The following UGT2A2 variants were observed in gnomAD, a reference collection of about 807,000 sequenced individuals.
UGT2A2 encodes the protein UDP glucuronosyltransferase family 2 member A2.
UGT2A2 carries 60 observed loss-of-function variants against 50.7 expected under a neutral mutation model. That is an observed-to-expected ratio of 1.18 (90% CI 0.96 to 1.47). The LOEUF is 1.47. Ranked by LOEUF, UGT2A2 falls within the 40% of genes most tolerant of loss-of-function variation. The probability of loss-of-function intolerance (pLI) is 0.00; values close to 1 mark genes in which losing one functional copy is unlikely to be tolerated. For synonymous variants in UGT2A2, 242 were observed against 214.6 expected (o/e 1.13, Z -1.11); for missense variants, 762 against 634.0 (o/e 1.20, Z -2.17).
chr4:69,595,397 G>A lies in UGT2A2; in HGVS notation c.1024-148C>T, dbSNP rs1298385393. ...TTACAAACGTTGAGATACGTAGTAG[G>A]ACTGTTTATATGTACCTTTTTGTAA... On this transcript the variant is annotated intron_variant, in intron 3 of 5. Transcript: ENST00000604629. The A allele has an allele frequency of 4.8e-6, 4 of 836,906 alleles. No homozygotes were observed. The Admixed American group carries it at 8.0e-5, about 17-fold the overall frequency. 51.8% of individuals were successfully genotyped at this position (836,906 alleles called of 1,614,324 possible). A position where few individuals can be genotyped will look rare whatever the true frequency, so the allele number is the denominator to read the frequency against.
Position 69,594,704 on chromosome 4 carries a change from G to A in UGT2A2, c.1112-8C>T, listed in dbSNP as rs374927727. The A allele has an allele frequency of 2.3e-5, 37 of 1,610,934 alleles. No homozygotes were observed. The African/African-American group carries it at 4.4e-4, about 19-fold the overall frequency. On this transcript the variant is annotated splice_polypyrimidine_tract_variant and splice_region_variant and intron_variant, in intron 4 of 5. Coordinates refer to ENST00000604629, the MANE Select transcript of UGT2A2 (RefSeq NM_001105677.2). The stretch of plus-strand genomic sequence containing the variant: ...CTTTGGTTTTGGGATGTCCTAATTT[G>A]AGGATGGAGTGAGAAGTGGGTGTGT...
chr4:69,602,572 A>G (rs1719359642), intron 1 of UGT2A2, among the ~76,000 whole-genome samples: 1 of 137,618 alleles, frequency 7.3e-6, no homozygotes, highest in African/African-American at 2.9e-5. Context: ...GAGGAAGAGA[A>G]GTTTTAATTT....
intron 1 of UGT2A2, among the ~76,000 whole-genome samples, chr4:69,627,582 GA>G (rs910514836): frequency 2.9e-4 from 41 of 142,634 alleles, no homozygotes; most frequent in African/African-American, 9.4e-4. Context: ...AAGAGAGAAA[GA>G]AAAAAAGAAG....
intron 1 of UGT2A2, among the ~76,000 whole-genome samples, chr4:69,630,860 A>T (rs1405618958): frequency 6.6e-6 from 1 of 152,032 alleles, no homozygotes; most frequent in Non-Finnish European, 1.5e-5. Flanking sequence ...AATATACTAT[A>T]TATCAATTAT....
intron 3 of UGT2A2, 112 bp from the exon 4 acceptor site, chr4:69,595,361 T>C: frequency 1.6e-6 from 2 of 1,252,668 alleles, no homozygotes; most frequent in Non-Finnish European, 2.2e-6. Flanking sequence ...GGGAATTACA[T>C]AAGCAGTAGT....
chr4:69,613,909 T>A (rs1391653509), intron 1 of UGT2A2, among the ~76,000 whole-genome samples: 1 of 152,018 alleles, frequency 6.6e-6, no homozygotes, highest in African/African-American at 2.4e-5. Context: ...TCTTCTAAGA[T>A]CTGGAAGAAG....
At chr4:69,629,801 G>C (rs60666822) in intron 1 of UGT2A2, among the ~76,000 whole-genome samples, 46,085 of 151,772 alleles carry the variant, frequency 0.3, 7,466 homozygotes, top group African/African-American at 0.4. Flanking sequence ...TTGTTATAAT[G>C]AACCATAACC....
At chr4:69,600,437 T>C (rs898814157) in intron 1 of UGT2A2, among the ~76,000 whole-genome samples, 4 of 152,114 alleles carry the variant, frequency 2.6e-5, no homozygotes, top group African/African-American at 9.7e-5. Flanking sequence ...AGTACAATTT[T>C]GAGTGGGGAC....
intron 1 of UGT2A2, among the ~76,000 whole-genome samples, chr4:69,601,211 A>AC (rs1475705941): frequency 6.6e-6 from 1 of 152,048 alleles, no homozygotes; most frequent in Admixed American, 6.6e-5. Flanking sequence ...CTGGAACATT[A>AC]CCCCAACAGC....
chr4:69,620,810 CAG>C (rs1280887148), intron 1 of UGT2A2, among the ~76,000 whole-genome samples: 1 of 151,720 alleles, frequency 6.6e-6, no homozygotes, highest in Non-Finnish European at 1.5e-5. Context: ...ACAAAGGAAA[CAG>C]AATAGAGAGC....
At chr4:69,602,186 A>T (rs577851313) in intron 1 of UGT2A2, among the ~76,000 whole-genome samples, 1 of 128,674 alleles carries the variant, frequency 7.8e-6, no homozygotes, top group East Asian at 2.1e-4. Flanking sequence ...GAAGGTAAAA[A>T]GAGGAAAATC....
At position 69,616,963 on chromosome 4, in the gene UGT2A2, T is replaced by C. The variant is rs1720443740; in HGVS notation, c.743-17569A>G. ...TATCTGCATAAGTTTCTGCCCATGC[T>C]TTTTCCACTACTGTTTTGTAGTTAA... On this transcript the variant is annotated intron_variant, in intron 1 of 5. Coordinates refer to ENST00000604629, the MANE Select transcript of UGT2A2 (RefSeq NM_001105677.2). 2.6e-5 allele frequency among the ~76,000 whole-genome samples: 4 copies of C among 151,702 alleles called. No individual in the cohort carries two copies. The South Asian group carries it at 8.3e-4, about 31-fold the overall frequency.
chr4:69,600,077 G>GA (rs1046625037), intron 1 of UGT2A2, among the ~76,000 whole-genome samples: 5 of 152,076 alleles, frequency 3.3e-5, no homozygotes, highest in Non-Finnish European at 5.9e-5. Context: ...TAAACCCTTT[G>GA]AAAAAAGTGG....
At chr4:69,629,656 A>C (rs73824181) in intron 1 of UGT2A2, among the ~76,000 whole-genome samples, 1 of 151,942 alleles carries the variant, frequency 6.6e-6, no homozygotes, top group Non-Finnish European at 1.5e-5. Flanking sequence ...ACCACATATC[A>C]TTTCTAGGAA....
At position 69,589,485 on chromosome 4, in the gene UGT2A2, C is replaced by T; in HGVS notation, c.1498G>A (p.Val500Ile). Residue 500 changes from valine (V) to isoleucine (I), a missense_variant, in exon 6 of 6, where the codon GTA becomes ATA. By Grantham distance (29) the Val-to-Ile change is conservative. Transcript: ENST00000604629. ...LTWFQYHSLD[V>I]IGFLLVCVTT... The stretch of plus-strand genomic sequence containing the variant: ...ACACAGACCAGCAAGAACCCAATTA[C>T]ATCCAAAGAGTGGTACTGGAACCAG... The T allele has an allele frequency of 6.2e-7, 1 of 1,614,092 alleles. No individual in the cohort carries two copies. Among genetic ancestry groups the T allele is most frequent in the Non-Finnish European group, 8.5e-7 (1 of 1,180,014 alleles).
At chr4:69,629,126 A>C (rs1721249307) in intron 1 of UGT2A2, among the ~76,000 whole-genome samples, 1 of 151,792 alleles carries the variant, frequency 6.6e-6, no homozygotes, top group Non-Finnish European at 1.5e-5. Flanking sequence ...AACCACCTTC[A>C]CTTGAATTTT....
At chr4:69,616,864 T>C (rs1720438056) in intron 1 of UGT2A2, among the ~76,000 whole-genome samples, 1 of 149,204 alleles carries the variant, frequency 6.7e-6, no homozygotes, top group Non-Finnish European at 1.5e-5. Context: ...TAGTGGTTTC[T>C]AAGTTTCATT....
intron 1 of UGT2A2, among the ~76,000 whole-genome samples, chr4:69,636,429 T>C (rs752987261): frequency 6.6e-6 from 1 of 152,182 alleles, no homozygotes; most frequent in African/African-American, 2.4e-5. Flanking sequence ...TTCAAGGCAG[T>C]TATTTGTTGT....
chr4:69,613,267 C>T (rs1338165444), intron 1 of UGT2A2, among the ~76,000 whole-genome samples: 2 of 151,710 alleles, frequency 1.3e-5, no homozygotes, highest in African/African-American at 2.4e-5. Context: ...CATATATAGC[C>T]CATAAGACTG....
Sources: gnomAD v4.1 joint callset for allele counts (sites outside exome capture counted in the v4.1 genomes callset) on GRCh38, gnomAD v4.1.1 for gene constraint, MANE v1.5 for transcripts, NCBI Gene and HGNC (gene_info 2026-07-23, HGNC 2026-07-21) for gene names.